Variants in VPS13D observed in about 807,000 individuals in gnomAD.
VPS13D encodes the protein vacuolar protein sorting 13 homolog D, also known as intermembrane lipid transfer protein VPS13D.
Under a neutral mutation model 461.9 loss-of-function variants are expected in VPS13D, and 187 were observed. That is an observed-to-expected ratio of 0.40 (90% CI 0.36 to 0.46). The LOEUF (loss-of-function observed/expected upper bound fraction) is 0.46, where lower values mean the gene tolerates loss of function less well. VPS13D is among the 20% of genes least tolerant of loss of function. VPS13D has a pLI of 0.60. For missense variants in VPS13D, 4,711 were observed against 5,364.9 expected, an observed-to-expected ratio of 0.88 and a Z score of 3.81; for synonymous variants, 1,951 against 1,986.3, an observed-to-expected ratio of 0.98 and a Z score of 0.47.
chr1:12,255,762 A>G (rs1483166606), intron 7 of VPS13D, among the ~76,000 whole-genome samples: 5 of 151,854 alleles, frequency 3.3e-5, no homozygotes, highest in African/African-American at 4.8e-5. Flanking sequence ...ATGGGGGTGC[A>G]TGCCTATAAT....
chr1:12,488,609 G>A (rs970907403), intron 67 of VPS13D, among the ~76,000 whole-genome samples: 25 of 150,008 alleles, frequency 1.7e-4, no homozygotes, highest in Admixed American at 8.6e-4. Flanking sequence ...GGCTGGACAC[G>A]GTGGCCCACA....
intron 65 of VPS13D, among the ~76,000 whole-genome samples, chr1:12,444,536 A>G (rs1429435015): frequency 6.6e-6 from 1 of 151,718 alleles, no homozygotes; most frequent in Non-Finnish European, 1.5e-5. Context: ...TTACTATGTC[A>G]CTTACACCTC....
At chr1:12,309,392 G>C (rs983262293) in intron 27 of VPS13D, among the ~76,000 whole-genome samples, 13 of 151,510 alleles carry the variant, frequency 8.6e-5, no homozygotes, top group African/African-American at 2.9e-4. Flanking sequence ...TGTGTTTTTA[G>C]TAGAGATGGG....
chr1:12,508,955 C>G lies in VPS13D; in HGVS notation c.13098C>G (p.Ser4366Arg), dbSNP rs368242467. The change falls in exon 70 of 70, where the codon AGC becomes AGG. Residue 4366 changes from serine to arginine, a missense_variant. Ser to Arg is a moderately radical substitution (Grantham distance 110). Coordinates refer to ENST00000620676, the MANE Select transcript of VPS13D (RefSeq NM_015378.4). ...KLSQEINYAK[S>R]LYYEQQLMLR... ...CACAAGAAATAAACTACGCAAAGAGCCTCTACTATGAACAGCAGCTTATGT... is the reference window on the plus strand; with the variant it reads ...CACAAGAAATAAACTACGCAAAGAGGCTCTACTATGAACAGCAGCTTATGT... The G allele has an allele frequency of 1.9e-6, 3 of 1,614,078 alleles. No individual in the cohort carries two copies. The highest frequency in any genetic ancestry group is 2.5e-6 in the Non-Finnish European group (3 of 1,180,036).
intron 12 of VPS13D, 84 bp from the exon 13 acceptor site, chr1:12,261,816 CA>C: frequency 2.6e-6 from 3 of 1,138,542 alleles, no homozygotes; most frequent in Non-Finnish European, 3.7e-6. Flanking sequence ...TAAATAACAT[CA>C]TCATAACTGT....
chr1:12,486,798 G>A (rs79155102), intron 67 of VPS13D, among the ~76,000 whole-genome samples: 2,678 of 152,230 alleles, frequency 0.018, 47 homozygotes, highest in Non-Finnish European at 0.021. Context: ...AGCACGTCTG[G>A]CTCCCCTGCA....
At chr1:12,271,694 G>C (rs1040261247) in intron 17 of VPS13D, among the ~76,000 whole-genome samples, 1 of 151,822 alleles carries the variant, frequency 6.6e-6, no homozygotes, top group African/African-American at 2.4e-5. Flanking sequence ...AAAAAGACTC[G>C]TGTTTGTTCC....
intron 42 of VPS13D, 23 bp from the exon 43 acceptor site, chr1:12,345,351 T>G: frequency 6.3e-7 from 1 of 1,592,940 alleles, no homozygotes; most frequent in Non-Finnish European, 8.6e-7. Flanking sequence ...GCCTAATATC[T>G]TTTTCTTTGT....
Position 12,512,030 on chromosome 1 carries a change from C to T in VPS13D, c.*3006C>T, listed in dbSNP as rs1379582434. On this transcript the variant is annotated 3_prime_UTR_variant, in exon 70 of 70. Transcript: ENST00000620676. ...ATTTTTCTTCCTGTGGAATAAAATG[C>T]CTTGTGGACTTCCCAAACTTGTTCT... The T allele has an allele frequency of 2.0e-5, 3 of 152,198 alleles. No individual in the cohort carries two copies. Among genetic ancestry groups the T allele is most frequent in the African/African-American group, 7.2e-5 (3 of 41,440 alleles). 9.4% of individuals were successfully genotyped at this position (152,198 alleles called of 1,614,324 possible). A position where few individuals can be genotyped will look rare whatever the true frequency, so the allele number is the denominator to read the frequency against.
intron 61 of VPS13D, among the ~76,000 whole-genome samples, chr1:12,400,747 GT>G (rs1644564062): frequency 6.6e-6 from 1 of 152,126 alleles, no homozygotes; most frequent in African/African-American, 2.4e-5. Flanking sequence ...GAGCCCAGGA[GT>G]TTGAGACCAG....
intron 55 of VPS13D, among the ~76,000 whole-genome samples, chr1:12,377,344 GC>G (rs924060112): frequency 6.6e-6 from 1 of 151,842 alleles, no homozygotes; most frequent in Non-Finnish European, 1.5e-5. Flanking sequence ...ACAGGCATGA[GC>G]CACCACGCCC....
chr1:12,489,264 C>T (rs771942655), intron 67 of VPS13D, among the ~76,000 whole-genome samples: 4 of 152,174 alleles, frequency 2.6e-5, no homozygotes, highest in Non-Finnish European at 4.4e-5. Context: ...GTCACAGTTG[C>T]AGTGTCATGG....
intron 67 of VPS13D, among the ~76,000 whole-genome samples, chr1:12,476,751 G>T (rs1365031692): frequency 4.6e-5 from 7 of 152,082 alleles, no homozygotes; most frequent in African/African-American, 1.7e-4. Context: ...AGACAAGAGG[G>T]ATATAACAAG....
chr1:12,417,853 T>A (rs12057615), intron 65 of VPS13D, among the ~76,000 whole-genome samples: 8 of 152,288 alleles, frequency 5.3e-5, no homozygotes, highest in African/African-American at 1.9e-4. Flanking sequence ...TGAACCAGAC[T>A]AAAGTGTACT....
At chr1:12,445,334 A>C (rs1313603032) in intron 65 of VPS13D, among the ~76,000 whole-genome samples, 1 of 152,248 alleles carries the variant, frequency 6.6e-6, no homozygotes, top group African/African-American at 2.4e-5. Context: ...TCTTAAAATC[A>C]ACAAAAGGCA....
chr1:12,264,074 G>A (rs1182271526), intron 13 of VPS13D, among the ~76,000 whole-genome samples: 1 of 152,282 alleles, frequency 6.6e-6, no homozygotes, highest in East Asian at 1.9e-4. Context: ...ATGGTGATCT[G>A]TAATCACCAA....
rs372504485 is a variant in VPS13D, at chr1:12,252,435, C to T, written c.565-1287C>T. ...TTGTACGGTCACCCTTCCATATCCTCAGGTTCCATATCCATGGATTCCACC... is the reference window on the plus strand; with the variant it reads ...TTGTACGGTCACCCTTCCATATCCTTAGGTTCCATATCCATGGATTCCACC... On this transcript the variant is annotated intron_variant, in intron 6 of 69. Coordinates refer to ENST00000620676, the MANE Select transcript of VPS13D (RefSeq NM_015378.4). Among the ~76,000 whole-genome samples the T allele has an allele frequency of 2.6e-4, 40 of 152,298 alleles. 3 individuals are homozygous for T. Among genetic ancestry groups the T allele is most frequent in the Admixed American group, 2.1e-3 (32 of 15,298 alleles).
rs139508229 is a variant in VPS13D at position 12,482,866 on chromosome 1, C to T, written c.12663-14634C>T. On this transcript the variant is annotated intron_variant, in intron 67 of 69. Transcript: ENST00000620676. ...TGTTGATGTCTAATCTTTTTCACTC[C>T]ACAATGGTGCTAGAACGTCTTTCCA... Among the ~76,000 whole-genome samples, 850 of 149,964 alleles carry T rather than the reference C, an allele frequency of 5.7e-3. 8 individuals are homozygous for T. The highest frequency in any genetic ancestry group is 0.02 in the African/African-American group (800 of 40,634).
At chr1:12,413,294 C>T (rs924183126) in intron 63 of VPS13D, among the ~76,000 whole-genome samples, 2 of 149,906 alleles carry the variant, frequency 1.3e-5, no homozygotes, top group Middle Eastern at 3.4e-3. Context: ...AGTTGAGCAA[C>T]AAAGTGAGAC....
Sources: gnomAD v4.1 joint callset for allele counts (sites outside exome capture counted in the v4.1 genomes callset) on GRCh38, gnomAD v4.1.1 for gene constraint, MANE v1.5 for transcripts, NCBI Gene and HGNC (gene_info 2026-07-23, HGNC 2026-07-21) for gene names.